Variants in DYNC2I1 observed in about 807,000 individuals in gnomAD.
The protein encoded by DYNC2I1 is cytoplasmic dynein 2 intermediate chain 1.
Under a neutral mutation model 133.4 loss-of-function variants are expected in DYNC2I1, and 89 were observed. That is an observed-to-expected ratio of 0.67 (90% confidence interval 0.56 to 0.80). The LOEUF (loss-of-function observed/expected upper bound fraction) is 0.80, where lower values mean the gene tolerates loss of function less well. Ranked by LOEUF, DYNC2I1 falls within the 30% of genes least tolerant of loss-of-function variation. The pLI is 0.00. For missense variants in DYNC2I1, 1,291 were observed against 1,314.5 expected (o/e 0.98, Z 0.28); for synonymous variants, 504 against 484.3 (o/e 1.04, Z -0.54).
rs35518012 is a variant in DYNC2I1 at position 158,927,557 on chromosome 7, A to AT, written c.2485+528dup. Among the ~76,000 whole-genome samples, 200 of 147,712 alleles carry AT rather than the reference A, an allele frequency of 1.4e-3. 1 individual carries two copies. The highest frequency in any genetic ancestry group is 7.0e-3 in the Middle Eastern group (2 of 286). ...AATAATCAAATGATATTCTGAATGA[A>AT]TTTTTTTTTTTTTTGAGACAGAGTC... On this transcript the variant is annotated intron_variant, in intron 20 of 24. Transcript: ENST00000407559.
At chr7:158,860,806 ATG>A (rs555400971) in intron 1 of DYNC2I1, among the ~76,000 whole-genome samples, 257 of 152,210 alleles carry the variant, frequency 1.7e-3, no homozygotes, top group African/African-American at 6.0e-3. Context: ...TTTTATTTTC[ATG>A]TGAGATATGT....
intron 20 of DYNC2I1, among the ~76,000 whole-genome samples, chr7:158,927,416 A>T (rs1326424568): frequency 6.6e-6 from 1 of 151,940 alleles, no homozygotes; most frequent in Non-Finnish European, 1.5e-5. Flanking sequence ...GTTAAAAAAA[A>T]AAAAAAGATA....
At position 158,929,855 on chromosome 7, in the gene DYNC2I1, A is replaced by G. The variant is rs565011223; in HGVS notation, c.2486-600A>G. On this transcript the variant is annotated intron_variant, in intron 20 of 24. Coordinates refer to ENST00000407559, the MANE Select transcript of DYNC2I1 (RefSeq NM_018051.5). ...TGGCCGAGGAGCCAGCGCTGTAGCCATGAACGCTTTCAGGAAGGAAAGGAA... is the reference window on the plus strand; with the variant it reads ...TGGCCGAGGAGCCAGCGCTGTAGCCGTGAACGCTTTCAGGAAGGAAAGGAA... Among the ~76,000 whole-genome samples the G allele has an allele frequency of 2.6e-5, 4 of 152,350 alleles. No homozygotes were observed. The South Asian group carries it at 8.3e-4, about 32-fold the overall frequency.
At chr7:158,957,926 A>C (rs948425905), downstream of DYNC2I1, among the ~76,000 whole-genome samples, 1 of 152,166 alleles carries the variant, frequency 6.6e-6, no homozygotes, top group African/African-American at 2.4e-5. Flanking sequence ...CGTGTCAGCC[A>C]CTGCCCCCCA....
chr7:158,878,780 GCCGA>G (rs1843673058), intron 4 of DYNC2I1, among the ~76,000 whole-genome samples: 1 of 138,196 alleles, frequency 7.2e-6, no homozygotes. Flanking sequence ...GGCCAGGAGG[GCCGA>G]CTCTGAGTGC....
chr7:158,883,685 A>G lies in DYNC2I1; in HGVS notation c.880-879A>G, dbSNP rs557006220. 9.0e-5 allele frequency among the ~76,000 whole-genome samples: 9 copies of G among 99,452 alleles called. No homozygotes were observed. In the Admixed American group the frequency reaches 1.1e-3, roughly 12 times the overall value. 65.2% of individuals were successfully genotyped at this position (99,452 alleles called of 152,430 possible). ...TTTTTTTTTTTTTTTTTTTTTTGAG[A>G]CGGAGTCTTGCTCTGTTGCCCAGGC... On this transcript the variant is annotated intron_variant, in intron 5 of 24. Transcript: ENST00000407559.
At chr7:158,943,259 C>T (rs188442413) in intron 24 of DYNC2I1, among the ~76,000 whole-genome samples, 1 of 152,200 alleles carries the variant, frequency 6.6e-6, no homozygotes, top group Non-Finnish European at 1.5e-5. Context: ...ACACAACACA[C>T]CTGCAGTTTA....
At chr7:158,876,542 G>A (rs1451141102) in intron 3 of DYNC2I1, 67 bp from the exon 4 acceptor site, 2 of 1,490,552 alleles carry the variant, frequency 1.3e-6, no homozygotes, top group Non-Finnish European at 1.8e-6. Flanking sequence ...TCCATAGCAA[G>A]ATGTTAAAAG....
chr7:158,876,828 G>T (rs1843401713), intron 4 of DYNC2I1, 137 bp downstream of exon 4: 4 of 1,117,668 alleles, frequency 3.6e-6, no homozygotes, highest in Non-Finnish European at 4.8e-6. Context: ...CCAGCACTGT[G>T]TATAGTCAGT....
intron 5 of DYNC2I1, among the ~76,000 whole-genome samples, chr7:158,882,260 C>A (rs951249741): frequency 6.6e-6 from 1 of 151,962 alleles, no homozygotes; most frequent in Non-Finnish European, 1.5e-5. Flanking sequence ...GTTGGAGAAG[C>A]CATAGGATAA....
At chr7:158,950,693 G>A (rs1852027555), downstream of DYNC2I1, among the ~76,000 whole-genome samples, 1 of 149,538 alleles carries the variant, frequency 6.7e-6, no homozygotes, top group Non-Finnish European at 1.5e-5. Context: ...TACTGCACCG[G>A]GACCAGCCTC....
Position 158,937,710 on chromosome 7 carries a change from G to A in DYNC2I1, c.2778+3161G>A, listed in dbSNP as rs928875851. ...AGGCCAAGGCAGGAGGATCTCTTGA[G>A]CCAGCTTGAGCAACATAGGGAGACC... On this transcript the variant is annotated intron_variant, in intron 23 of 24. Coordinates refer to ENST00000407559, the MANE Select transcript of DYNC2I1 (RefSeq NM_018051.5). 4.0e-5 allele frequency among the ~76,000 whole-genome samples: 6 copies of A among 151,492 alleles called. No individual in the cohort carries two copies. In the South Asian group the frequency reaches 1.3e-3, roughly 32 times the overall value.
upstream of DYNC2I1, among the ~76,000 whole-genome samples, chr7:158,853,934 T>C (rs1563058345): frequency 1.3e-5 from 2 of 151,868 alleles, no homozygotes; most frequent in East Asian, 3.9e-4. Flanking sequence ...ATTACAGGCA[T>C]GAGCCACCAT....
intron 7 of DYNC2I1, among the ~76,000 whole-genome samples, chr7:158,888,118 G>A (rs371722617): frequency 2.1e-5 from 3 of 142,358 alleles, no homozygotes; most frequent in Admixed American, 7.3e-5. Context: ...TCCGCCTCCC[G>A]GGTTCAAGCG....
chr7:158,901,789 TAC>T lies in DYNC2I1; in HGVS notation c.1112_1113del (p.Thr371SerfsTer4). On this transcript the variant is annotated frameshift_variant, in exon 9 of 25. Coordinates refer to ENST00000407559, the MANE Select transcript of DYNC2I1 (RefSeq NM_018051.5). LOFTEE classifies it high-confidence loss of function. ...TAGAAAATGCTAGAGCTGATGCATA[TAC>T]AGCCAGTTGTGAAGATGATTTTGAA... The part of the protein sequence containing the change: ...DLENARADAY[T>X]ASCEDDFEDY... 6.3e-7 allele frequency: 1 copy of T among 1,581,284 alleles called. No individual in the cohort carries two copies. Among genetic ancestry groups the T allele is most frequent in the Non-Finnish European group, 8.6e-7 (1 of 1,163,398 alleles).
At chr7:158,916,601 C>A (rs1342804165) in intron 14 of DYNC2I1, among the ~76,000 whole-genome samples, 230 of 62,076 alleles carry the variant, frequency 3.7e-3, no homozygotes, top group African/African-American at 0.013. Context: ...CGTCGACACG[C>A]TGGTTGACAT....
rs532567555 is a variant in DYNC2I1, at chr7:158,866,884, CA to C, written c.16-2957del. 7.8e-3 allele frequency among the ~76,000 whole-genome samples: 1,036 copies of C among 132,170 alleles called. 11 individuals carry two copies. Among genetic ancestry groups the C allele is most frequent in the African/African-American group, 0.023 (834 of 36,246 alleles). The allele number at this position is 132,170 out of a possible 152,430, so 86.7% of individuals were successfully genotyped here. On this transcript the variant is annotated intron_variant, in intron 1 of 24. Coordinates refer to ENST00000407559, the MANE Select transcript of DYNC2I1 (RefSeq NM_018051.5). ...TGGGCGACAGAGCAAGGCTCCGTCT[CA>C]AAAAAAAAAAAAATTGTTTAATATA...
At chr7:158,878,017 G>T (rs1261454047) in intron 4 of DYNC2I1, among the ~76,000 whole-genome samples, 6 of 152,030 alleles carry the variant, frequency 3.9e-5, no homozygotes, top group Admixed American at 3.9e-4. Context: ...TGTGAGTGCC[G>T]GGTGCCATGT....
At chr7:158,913,358 T>C (rs981009946) in intron 13 of DYNC2I1, among the ~76,000 whole-genome samples, 2 of 152,190 alleles carry the variant, frequency 1.3e-5, no homozygotes, top group Admixed American at 6.5e-5. Context: ...ATTTTATTCC[T>C]GTGTAGAGGG....
Sources: allele counts gnomAD v4.1 joint callset (sites outside exome capture counted in the v4.1 genomes callset), GRCh38; gene constraint gnomAD v4.1.1; transcripts MANE v1.5; gene names NCBI Gene and HGNC (gene_info 2026-07-23, HGNC 2026-07-21).